Variants in MSRA observed in about 807,000 individuals in gnomAD.
MSRA encodes the protein mitochondrial peptide methionine sulfoxide reductase.
Under a neutral mutation model 31.3 loss-of-function variants are expected in MSRA, and 54 were observed. The observed-to-expected ratio is 1.73, with a 90% CI of 1.39 to 2.17. The LOEUF (loss-of-function observed/expected upper bound fraction) is 2.17. Among genes scored for constraint, MSRA ranks in the 30% most tolerant of loss-of-function variants. The probability of loss-of-function intolerance (pLI) is 0.00; values close to 1 mark genes in which losing one functional copy is unlikely to be tolerated. For synonymous variants in MSRA, 169 were observed against 116.5 expected, an observed-to-expected ratio of 1.45 and a Z score of -2.90; for missense variants, 507 against 300.9, an observed-to-expected ratio of 1.69 and a Z score of -5.07.
At chr8:10,283,137 C>CACACACAG (rs1799714214) in intron 3 of MSRA, among the ~76,000 whole-genome samples, 1 of 139,706 alleles carries the variant, frequency 7.2e-6, no homozygotes, top group Non-Finnish European at 1.6e-5. Flanking sequence ...ATTACACACA[C>CACACACAG]ACACACACAC....
At chr8:10,222,258 T>A (rs1248717330) in intron 2 of MSRA, among the ~76,000 whole-genome samples, 1 of 152,168 alleles carries the variant, frequency 6.6e-6, no homozygotes, top group East Asian at 1.9e-4. Context: ...TTATAGACCT[T>A]CTCAAATGCC....
At chr8:10,278,674 G>T (rs564249844) in intron 3 of MSRA, among the ~76,000 whole-genome samples, 1 of 152,206 alleles carries the variant, frequency 6.6e-6, no homozygotes. Context: ...CTAGGAAATG[G>T]AATTTTTAGA....
At chr8:10,352,865 T>A (rs539876123) in intron 5 of MSRA, among the ~76,000 whole-genome samples, 4 of 152,238 alleles carry the variant, frequency 2.6e-5, no homozygotes, top group Non-Finnish European at 5.9e-5. Context: ...TGGCTATATT[T>A]TTCTTTTAAA....
At chr8:10,396,302 C>CT (rs1381368701) in intron 5 of MSRA, among the ~76,000 whole-genome samples, 14 of 152,286 alleles carry the variant, frequency 9.2e-5, no homozygotes, top group Admixed American at 8.5e-4. Flanking sequence ...CTCCTTACTT[C>CT]TTTTTTATTT....
At chr8:10,172,432 C>T (rs1563179966) in intron 1 of MSRA, among the ~76,000 whole-genome samples, 1 of 151,726 alleles carries the variant, frequency 6.6e-6, no homozygotes, top group Non-Finnish European at 1.5e-5. Flanking sequence ...CAGCTGTGGT[C>T]AGTGGAAGTA....
intron 1 of MSRA, among the ~76,000 whole-genome samples, chr8:10,167,264 T>G (rs942534558): frequency 1.3e-5 from 2 of 152,330 alleles, no homozygotes; most frequent in Admixed American, 6.5e-5. Context: ...AACTGGAGAT[T>G]GGTGTCCAAA....
chr8:10,138,318 G>A (rs1220548389), intron 1 of MSRA, among the ~76,000 whole-genome samples: 1 of 152,176 alleles, frequency 6.6e-6, no homozygotes, highest in East Asian at 1.9e-4. Context: ...GCTTGAAGAT[G>A]GGAGGGTGTG....
At chr8:10,322,433 G>T (rs372973970) in intron 5 of MSRA, among the ~76,000 whole-genome samples, 1 of 152,226 alleles carries the variant, frequency 6.6e-6, no homozygotes, top group Non-Finnish European at 1.5e-5. Context: ...AACTTCACTG[G>T]AAGTGGAGAG....
rs560279016 is a variant in MSRA at position 10,221,243 on chromosome 8, GACAA to G, written c.211+13346_211+13349del. On this transcript the variant is annotated intron_variant, in intron 2 of 5. Transcript: ENST00000317173. ...GACCAGACATCTGCACCAACTGAAT[GACAA>G]ACAGCTTTTCAATTGCTGTGAAGGT... is the stretch of plus-strand genomic sequence containing the variant. Among the ~76,000 whole-genome samples the G allele has an allele frequency of 2.4e-4, 37 of 152,254 alleles. No homozygotes were observed. The East Asian group carries it at 6.9e-3, about 29-fold the overall frequency.
At chr8:10,417,335 A>G (rs984319879) in intron 5 of MSRA, among the ~76,000 whole-genome samples, 2 of 151,822 alleles carry the variant, frequency 1.3e-5, no homozygotes, top group African/African-American at 2.4e-5. Flanking sequence ...CACAGGGGCA[A>G]TTCCATTGTC....
intron 3 of MSRA, among the ~76,000 whole-genome samples, chr8:10,261,482 G>C (rs1450098529): frequency 1.3e-5 from 2 of 151,950 alleles, no homozygotes; most frequent in African/African-American, 4.8e-5. Flanking sequence ...GATTGCTTGA[G>C]GCCAGGAGTT....
chr8:10,223,218 G>C (rs1810682220), intron 2 of MSRA, among the ~76,000 whole-genome samples: 1 of 152,116 alleles, frequency 6.6e-6, no homozygotes, highest in African/African-American at 2.4e-5. Context: ...AGAATGGTTT[G>C]ATTTAAACCA....
At chr8:10,077,368 C>G (rs1798042833) in intron 1 of MSRA, among the ~76,000 whole-genome samples, 1 of 151,050 alleles carries the variant, frequency 6.6e-6, no homozygotes, top group Admixed American at 6.6e-5. Context: ...GGGAGAGACT[C>G]AAAAATGTGT....
intron 5 of MSRA, among the ~76,000 whole-genome samples, chr8:10,423,304 G>A (rs901505600): frequency 3.9e-5 from 6 of 152,140 alleles, no homozygotes; most frequent in Non-Finnish European, 7.3e-5. Flanking sequence ...GCTCCAATTC[G>A]TTAAGGAAAA....
chr8:10,145,700 G>C (rs60278284), intron 1 of MSRA, among the ~76,000 whole-genome samples: 51,168 of 152,032 alleles, frequency 0.34, 9,804 homozygotes, highest in Middle Eastern at 0.5. Flanking sequence ...GTAAGACATG[G>C]TGCCTCCCGA....
chr8:10,107,070 G>A (rs762231623), intron 1 of MSRA, among the ~76,000 whole-genome samples: 35 of 152,100 alleles, frequency 2.3e-4, no homozygotes, highest in African/African-American at 7.7e-4. Flanking sequence ...ACAGATAACC[G>A]CTGCCATCAC....
In MSRA at chr8:10,272,659, C is replaced by G. The variant is rs180778855; in HGVS notation, c.331+27436C>G. On this transcript the variant is annotated intron_variant, in intron 3 of 5. Coordinates refer to ENST00000317173, the MANE Select transcript of MSRA (RefSeq NM_012331.5). ...CAAGTTGACACATAAAATTAACCCTCACTCTTACTCGCGCTTTAAGACTAC... is the reference window on the plus strand; with the variant it reads ...CAAGTTGACACATAAAATTAACCCTGACTCTTACTCGCGCTTTAAGACTAC... 3.0e-3 allele frequency among the ~76,000 whole-genome samples: 460 copies of G among 152,346 alleles called. 3 individuals are homozygous for G. The highest frequency in any genetic ancestry group is 5.7e-3 in the Admixed American group (87 of 15,310).
chr8:10,231,778 C>T (rs908528100), intron 2 of MSRA, among the ~76,000 whole-genome samples: 3 of 152,232 alleles, frequency 2.0e-5, no homozygotes, highest in Non-Finnish European at 2.9e-5. Context: ...TGGCGGGCGC[C>T]TATAGTCCCA....
intron 3 of MSRA, among the ~76,000 whole-genome samples, chr8:10,301,316 C>T (rs762265467): frequency 6.6e-6 from 1 of 152,104 alleles, no homozygotes; most frequent in African/African-American, 2.4e-5. Context: ...TAGAAGTCAT[C>T]GCAGCAAGCT....
Sources: allele counts gnomAD v4.1 joint callset (sites outside exome capture counted in the v4.1 genomes callset), GRCh38; gene constraint gnomAD v4.1.1; transcripts MANE v1.5; gene names NCBI Gene and HGNC (gene_info 2026-07-23, HGNC 2026-07-21).